The following CASK variants were observed in gnomAD, a reference collection of about 807,000 sequenced individuals.
The protein encoded by CASK is calcium/calmodulin dependent serine protein kinase.
CASK carries 4 observed loss-of-function variants against 82.9 expected under a neutral mutation model. That is an observed-to-expected ratio of 0.05 (90% CI 0.02 to 0.11). The LOEUF is 0.11. Among genes scored for constraint, CASK ranks in the 10% least tolerant of loss-of-function variants. The pLI is 1.00. For synonymous variants in CASK, 259 were observed against 253.5 expected (o/e 1.02, Z -0.20); for missense variants, 358 against 720.9 (o/e 0.50, Z 5.76).
chrX:41,679,167 G>A (rs1451123876), intron 5 of CASK, among the ~76,000 whole-genome samples: 1 of 111,550 alleles, frequency 9.0e-6, no homozygotes, highest in Non-Finnish European at 1.9e-5. Flanking sequence ...GCACAAAAGC[G>A]TACCATTAGA....
At chrX:41,539,685 C>T (rs961097640) in intron 22 of CASK, among the ~76,000 whole-genome samples, 1 of 112,341 alleles carries the variant, frequency 8.9e-6, no homozygotes, top group Non-Finnish European at 1.9e-5. Context: ...GATGACCTTT[C>T]ATCGTAGCTA....
chrX:41,814,646 C>T (rs904045346), intron 2 of CASK, among the ~76,000 whole-genome samples: 7 of 107,921 alleles, frequency 6.5e-5, no homozygotes, highest in African/African-American at 2.4e-4. Context: ...ATGTAAATGA[C>T]GAGTTAATGG....
chrX:41,672,531 A>G (rs2067210455), intron 5 of CASK, among the ~76,000 whole-genome samples: 1 of 111,468 alleles, frequency 9.0e-6, no homozygotes, highest in South Asian at 3.8e-4. Flanking sequence ...ATATTTTCTC[A>G]TTCATAAAAG....
At chrX:41,676,580 T>A in intron 5 of CASK, 1 of 761,336 alleles carries the variant, frequency 1.3e-6, no homozygotes. Context: ...GGGCCGGGCC[T>A]GGGCTCTGGC....
At chrX:41,864,410 C>T (rs1241222612) in intron 1 of CASK, among the ~76,000 whole-genome samples, 4 of 111,511 alleles carry the variant, frequency 3.6e-5, no homozygotes, top group South Asian at 3.8e-4. Context: ...CTCCTGCCCC[C>T]GTACTCATAT....
At position 41,518,298 on chromosome X, in the gene CASK, A is replaced by T. The variant is rs2064588246; in HGVS notation, c.*2122T>A. ...GAGGTAGAGTGCGCACCTTCACACT[A>T]AGAGCCCGAAATTGTGGTCAGTACC... is the stretch of plus-strand genomic sequence containing the variant. On this transcript the variant is annotated 3_prime_UTR_variant, in exon 27 of 27. Coordinates refer to ENST00000378163, the MANE Select transcript of CASK (RefSeq NM_001367721.1). The T allele has an allele frequency of 8.6e-6, 1 of 115,993 alleles. No homozygotes were observed. The highest frequency in any genetic ancestry group is 3.3e-5 in the African/African-American group (1 of 30,538). The allele number at this position is 115,993 out of a possible 1,213,427, so 9.6% of individuals were successfully genotyped here. A position where few individuals can be genotyped will look rare whatever the true frequency, so the allele number is the denominator to read the frequency against.
At chrX:41,727,947 T>C in intron 5 of CASK, 1 of 1,174,650 alleles carries the variant, frequency 8.5e-7, no homozygotes. Context: ...CAGACCCCAT[T>C]ATATTTCTTT....
rs759563258 is a variant in CASK at position 41,665,406 on chromosome X, T to C, written c.579A>G (p.Arg193=). 8.3e-7 allele frequency: 1 copy of C among 1,209,838 alleles called. No individual in the cohort carries two copies. Among genetic ancestry groups the C allele is most frequent in the Non-Finnish European group, 1.1e-6 (1 of 894,054 alleles). ...CGTCTACAGGCTTTCCGTAAGGCTC[T>C]CTTTTGACCACTTCTGGTGCCATAA... ...PHFMAPEVVK[R]EPYGKPVDVW... The change falls in exon 7 of 27, where the codon AGA becomes AGG. Residue 193 remains arginine (R), a synonymous_variant. Transcript: ENST00000378163.
intron 1 of CASK, among the ~76,000 whole-genome samples, chrX:41,918,371 C>T (rs2148107084): frequency 8.9e-6 from 1 of 112,463 alleles, no homozygotes; most frequent in South Asian, 3.6e-4. Flanking sequence ...AACAGCATTA[C>T]TGGAATCACA....
intron 4 of CASK, among the ~76,000 whole-genome samples, chrX:41,740,585 C>T (rs918251902): frequency 9.0e-6 from 1 of 111,676 alleles, no homozygotes; most frequent in African/African-American, 3.3e-5. Context: ...CTCTAGTTAG[C>T]ATATGCATTA....
chrX:41,575,509 A>G (rs2065472490), intron 15 of CASK, among the ~76,000 whole-genome samples: 1 of 107,980 alleles, frequency 9.3e-6, no homozygotes, highest in African/African-American at 3.3e-5. Flanking sequence ...GATTTTTGTC[A>G]CTTGCAACTA....
intron 9 of CASK, among the ~76,000 whole-genome samples, chrX:41,635,014 T>A (rs915757616): frequency 3.1e-4 from 35 of 111,443 alleles, no homozygotes; most frequent in Non-Finnish European, 3.6e-4. Flanking sequence ...AACAATGATA[T>A]GTTAATATTT....
chrX:41,829,188 C>T (rs148447746), intron 2 of CASK, among the ~76,000 whole-genome samples: 226 of 111,286 alleles, frequency 2.0e-3, no homozygotes, highest in African/African-American at 7.0e-3. Context: ...CATAAATGTA[C>T]AGCTTGATGA....
chrX:41,643,068 T>C (rs1456927070), intron 8 of CASK, among the ~76,000 whole-genome samples: 1 of 111,709 alleles, frequency 9.0e-6, no homozygotes, highest in African/African-American at 3.3e-5. Context: ...AGTTGTGTGG[T>C]ATTATTTCTG....
chrX:41,904,600 CT>C (rs201004390), intron 1 of CASK, among the ~76,000 whole-genome samples: 3 of 110,640 alleles, frequency 2.7e-5, no homozygotes, highest in Admixed American at 9.6e-5. Flanking sequence ...CCAAAGTGAT[CT>C]TTTTTTTTCC....
chrX:41,778,666 C>T (rs1049209639), intron 3 of CASK, among the ~76,000 whole-genome samples: 3 of 111,260 alleles, frequency 2.7e-5, no homozygotes, highest in African/African-American at 6.5e-5. Flanking sequence ...TTGTCATAGA[C>T]GAAAAGTTAT....
At chrX:41,698,558 T>C (rs1259796903) in intron 5 of CASK, among the ~76,000 whole-genome samples, 1 of 111,233 alleles carries the variant, frequency 9.0e-6, no homozygotes, top group Non-Finnish European at 1.9e-5. Context: ...AGAAAAAAAG[T>C]TGGGAGTAAT....
At chrX:41,760,102 A>T (rs2068974940) in intron 3 of CASK, among the ~76,000 whole-genome samples, 1 of 112,139 alleles carries the variant, frequency 8.9e-6, no homozygotes, top group African/African-American at 3.2e-5. Flanking sequence ...TAACATACAT[A>T]TCTGTATGGC....
chrX:41,909,607 CTTGTT>C (rs1213213859), intron 1 of CASK, among the ~76,000 whole-genome samples: 1 of 110,122 alleles, frequency 9.1e-6, no homozygotes, highest in Non-Finnish European at 1.9e-5. Context: ...AGCCCATGTT[CTTGTT>C]TTGTTTTTTT....
Sources: allele counts gnomAD v4.1 joint callset (sites outside exome capture counted in the v4.1 genomes callset), GRCh38; gene constraint gnomAD v4.1.1; transcripts MANE v1.5; gene names NCBI Gene and HGNC (gene_info 2026-07-23, HGNC 2026-07-21).